The following PDIA5 variants were observed in gnomAD, a reference collection of about 807,000 sequenced individuals.
The protein encoded by PDIA5 is protein disulfide-isomerase A5.
A neutral mutation model predicts 77.6 loss-of-function variants in PDIA5; 58 were observed. That is an observed-to-expected ratio of 0.75 (90% confidence interval 0.61 to 0.93). The LOEUF (loss-of-function observed/expected upper bound fraction) is 0.93. Ranked by LOEUF, PDIA5 falls within the 40% of genes least tolerant of loss-of-function variation. The pLI, the probability that PDIA5 is intolerant of heterozygous loss-of-function variation, is 0.00. For synonymous variants in PDIA5, 250 were observed against 252.1 expected, an observed-to-expected ratio of 0.99 and a Z score of 0.08; for missense variants, 630 against 647.7, an observed-to-expected ratio of 0.97 and a Z score of 0.30.
intron 3 of PDIA5, among the ~76,000 whole-genome samples, chr3:123,093,640 T>G (rs574435688): frequency 6.6e-6 from 1 of 152,202 alleles, no homozygotes; most frequent in Non-Finnish European, 1.5e-5. Flanking sequence ...CTATGTGCTT[T>G]GAGAATACGC....
chr3:123,151,806 T>TGCC (rs1935907142), intron 14 of PDIA5, among the ~76,000 whole-genome samples: 4 of 145,708 alleles, frequency 2.7e-5, no homozygotes, highest in Non-Finnish European at 6.1e-5. Context: ...CCTGCCTGCC[T>TGCC]TCCTGCCTGC....
intron 7 of PDIA5, among the ~76,000 whole-genome samples, chr3:123,112,547 T>TTC (rs1243936074): frequency 6.3e-5 from 9 of 143,810 alleles, no homozygotes; most frequent in African/African-American, 2.1e-4. Flanking sequence ...TTTTTTTTTT[T>TTC]TTTTTTTTTT....
At chr3:123,124,499 C>T (rs1161101442) in intron 10 of PDIA5, among the ~76,000 whole-genome samples, 156 bp downstream of exon 10, 20 of 152,120 alleles carry the variant, frequency 1.3e-4, no homozygotes, top group Non-Finnish European at 5.9e-5. Context: ...TGAGTCTAGG[C>T]CACTGTGGGG....
At chr3:123,104,216 C>G (rs1046521352) in intron 5 of PDIA5, among the ~76,000 whole-genome samples, 1 of 152,070 alleles carries the variant, frequency 6.6e-6, no homozygotes, top group African/African-American at 2.4e-5. Context: ...GAGCATCGTA[C>G]GGGGCCAGAG....
At chr3:123,123,584 T>G (rs184665899) in intron 8 of PDIA5, among the ~76,000 whole-genome samples, 7 of 152,316 alleles carry the variant, frequency 4.6e-5, no homozygotes, top group African/African-American at 9.6e-5. Flanking sequence ...GAGCAAACCG[T>G]GAGGTATCCA....
At chr3:123,072,037 G>A (rs1933737526) in intron 1 of PDIA5, among the ~76,000 whole-genome samples, 4 of 149,454 alleles carry the variant, frequency 2.7e-5, no homozygotes, top group Admixed American at 2.7e-4. Context: ...AGCTGTGGGG[G>A]ACTCGATTCT....
At chr3:123,160,578 A>T (rs1173543963) in intron 15 of PDIA5, among the ~76,000 whole-genome samples, 1 of 152,078 alleles carries the variant, frequency 6.6e-6, no homozygotes, top group East Asian at 1.9e-4. Flanking sequence ...CATCCCTCAC[A>T]TCACATCATG....
chr3:123,079,619 G>A (rs1433956140), intron 1 of PDIA5, among the ~76,000 whole-genome samples: 1 of 152,156 alleles, frequency 6.6e-6, no homozygotes, highest in African/African-American at 2.4e-5. Context: ...AACTCTTATG[G>A]TTAGAATGGT....
At chr3:123,099,055 GCGCACA>G (rs1421110864) in intron 3 of PDIA5, among the ~76,000 whole-genome samples, 1 of 140,104 alleles carries the variant, frequency 7.1e-6, no homozygotes, top group Admixed American at 7.6e-5. Flanking sequence ...ACACATGCTT[GCGCACA>G]CACACACACA....
intron 1 of PDIA5, among the ~76,000 whole-genome samples, chr3:123,085,317 C>A (rs1934109665): frequency 6.6e-6 from 1 of 152,132 alleles, no homozygotes; most frequent in Non-Finnish European, 1.5e-5. Flanking sequence ...GAGATGGATC[C>A]TTCATTAGGC....
At chr3:123,085,981 G>A (rs1413069211) in intron 1 of PDIA5, among the ~76,000 whole-genome samples, 1 of 152,102 alleles carries the variant, frequency 6.6e-6, no homozygotes, top group African/African-American at 2.4e-5. Context: ...AGACTTTTTG[G>A]TGAGCTCTTA....
At chr3:123,125,200 T>TA (rs1286315017) in intron 10 of PDIA5, among the ~76,000 whole-genome samples, 3 of 152,198 alleles carry the variant, frequency 2.0e-5, no homozygotes, top group Non-Finnish European at 4.4e-5. Context: ...GTTTGGCACT[T>TA]ACCAGCCACT....
chr3:123,149,122 AG>A (rs1249913716), intron 13 of PDIA5, among the ~76,000 whole-genome samples: 10 of 152,364 alleles, frequency 6.6e-5, no homozygotes, highest in Admixed American at 5.9e-4. Flanking sequence ...TCACCAGCAC[AG>A]GAGAAGGTGA....
In PDIA5 at chr3:123,083,043, A is replaced by T. The variant is rs536517630; in HGVS notation, c.43-6125A>T. Among the ~76,000 whole-genome samples, 111 of 152,242 alleles carry T rather than the reference A, an allele frequency of 7.3e-4. 1 individual carries two copies. The highest frequency in any genetic ancestry group is 2.2e-4 in the Non-Finnish European group (15 of 68,014). ...CAGACACCTGTTACAAGAGCACGGC[A>T]GGGGGTCTGGAAGATGAGGAAGGAC... is the stretch of plus-strand genomic sequence containing the variant. On this transcript the variant is annotated intron_variant, in intron 1 of 16. Transcript: ENST00000316218.
chr3:123,094,145 G>A (rs1447378146), intron 3 of PDIA5, among the ~76,000 whole-genome samples: 1 of 152,266 alleles, frequency 6.6e-6, no homozygotes, highest in African/African-American at 2.4e-5. Flanking sequence ...GGGCAGGGAA[G>A]CACCTTGGAG....
chr3:123,077,753 G>A (rs1933891952), intron 1 of PDIA5, among the ~76,000 whole-genome samples: 1 of 151,980 alleles, frequency 6.6e-6, no homozygotes, highest in Admixed American at 6.6e-5. Flanking sequence ...GCTCATGGCA[G>A]ATGTTTAGAA....
chr3:123,094,152 G>A (rs2107924674), intron 3 of PDIA5, among the ~76,000 whole-genome samples: 1 of 152,354 alleles, frequency 6.6e-6, no homozygotes, highest in Middle Eastern at 3.4e-3. Flanking sequence ...GAAGCACCTT[G>A]GAGCTTGAAA....
intron 16 of PDIA5, 197 bp from the exon 17 acceptor site, chr3:123,161,683 G>C: frequency 1.5e-6 from 1 of 647,102 alleles, no homozygotes; most frequent in East Asian, 2.7e-5. Context: ...CTGGACTCCA[G>C]ATGCCGAGGG....
intron 1 of PDIA5, 71 bp downstream of exon 1, chr3:123,067,277 TC>T: frequency 8.5e-7 from 1 of 1,171,864 alleles, no homozygotes; most frequent in Non-Finnish European, 1.1e-6. Flanking sequence ...CGCTCTCTGC[TC>T]CAGCCCTCTG....
Sources: allele counts gnomAD v4.1 joint callset (sites outside exome capture counted in the v4.1 genomes callset), GRCh38; gene constraint gnomAD v4.1.1; transcripts MANE v1.5; gene names NCBI Gene and HGNC (gene_info 2026-07-23, HGNC 2026-07-21).